EPHA6: variants seen among roughly 807,000 people sequenced by gnomAD.
The protein encoded by EPHA6 is ephrin type-A receptor 6.
Under a neutral mutation model 112.0 loss-of-function variants are expected in EPHA6, and 50 were observed. That is an observed-to-expected ratio of 0.45 (90% CI 0.36 to 0.56). The LOEUF is 0.56. Ranked by LOEUF, EPHA6 falls within the 20% of genes least tolerant of loss-of-function variation. EPHA6 has a pLI of 0.00. For synonymous variants in EPHA6, 529 were observed against 490.7 expected, an observed-to-expected ratio of 1.08 and a Z score of -1.03; for missense variants, 1,280 against 1,417.4, an observed-to-expected ratio of 0.90 and a Z score of 1.56.
intron 5 of EPHA6, among the ~76,000 whole-genome samples, chr3:97,333,810 C>T (rs762441001): frequency 2.0e-5 from 3 of 151,834 alleles, no homozygotes; most frequent in Non-Finnish European, 4.4e-5. Context: ...TTTTTTTGCT[C>T]ATTGCAGTGG....
intron 5 of EPHA6, among the ~76,000 whole-genome samples, chr3:97,325,287 T>C (rs527964945): frequency 3.9e-5 from 6 of 152,270 alleles, no homozygotes; most frequent in African/African-American, 1.4e-4. Flanking sequence ...AATTCCAAGA[T>C]AGAGGTGTGA....
At chr3:97,127,073 A>G (rs1413710284) in intron 3 of EPHA6, among the ~76,000 whole-genome samples, 3 of 152,282 alleles carry the variant, frequency 2.0e-5, no homozygotes, top group South Asian at 4.1e-4. Flanking sequence ...AGAGAAAAAC[A>G]TACAAATTCA....
intron 6 of EPHA6, among the ~76,000 whole-genome samples, chr3:97,440,102 G>A (rs1260999390): frequency 1.3e-5 from 2 of 151,936 alleles, no homozygotes; most frequent in South Asian, 2.1e-4. Context: ...GGATACATAC[G>A]GATGCACATT....
At chr3:97,362,503 G>A (rs942525070) in intron 5 of EPHA6, among the ~76,000 whole-genome samples, 4 of 151,634 alleles carry the variant, frequency 2.6e-5, no homozygotes, top group South Asian at 2.1e-4. Flanking sequence ...CTCTTTATAC[G>A]TTAGGACAAA....
intron 5 of EPHA6, among the ~76,000 whole-genome samples, chr3:97,396,254 G>A (rs2086686393): frequency 6.7e-6 from 1 of 149,546 alleles, no homozygotes; most frequent in Admixed American, 6.7e-5. Context: ...TCTCACATAT[G>A]CACGCATGCA....
At chr3:97,023,558 T>G (rs2856470) in intron 3 of EPHA6, among the ~76,000 whole-genome samples, 55,712 of 151,846 alleles carry the variant, frequency 0.37, 12,212 homozygotes, top group African/African-American at 0.62. Context: ...TTTACTTAGT[T>G]ATATGTTAGA....
At chr3:97,689,508 A>G (rs1429761045) in intron 14 of EPHA6, among the ~76,000 whole-genome samples, 1 of 152,206 alleles carries the variant, frequency 6.6e-6, no homozygotes, top group Non-Finnish European at 1.5e-5. Flanking sequence ...TGGCCCTGAA[A>G]GTGAAGCCTC....
chr3:97,276,460 G>A (rs1242909932), intron 5 of EPHA6, among the ~76,000 whole-genome samples: 1 of 152,138 alleles, frequency 6.6e-6, no homozygotes, highest in African/African-American at 2.4e-5. Context: ...TCCTGGGAGA[G>A]GAGGTTCTGG....
chr3:97,530,970 C>T (rs1358661282), intron 10 of EPHA6, among the ~76,000 whole-genome samples: 1 of 152,036 alleles, frequency 6.6e-6, no homozygotes, highest in Non-Finnish European at 1.5e-5. Flanking sequence ...ATTCGATATT[C>T]TATGCTTAAA....
intron 14 of EPHA6, among the ~76,000 whole-genome samples, chr3:97,670,964 C>T (rs930267872): frequency 2.6e-5 from 4 of 152,132 alleles, no homozygotes; most frequent in East Asian, 1.9e-4. Flanking sequence ...AGGACCTCCA[C>T]GAACAATCAT....
At chr3:97,030,788 A>G (rs962974187) in intron 3 of EPHA6, among the ~76,000 whole-genome samples, 2 of 152,090 alleles carry the variant, frequency 1.3e-5, no homozygotes, top group Non-Finnish European at 2.9e-5. Context: ...ATCTACTATG[A>G]ATATGATGTC....
chr3:97,582,494 T>C (rs2093447376), intron 11 of EPHA6, among the ~76,000 whole-genome samples: 1 of 152,170 alleles, frequency 6.6e-6, no homozygotes, highest in African/African-American at 2.4e-5. Flanking sequence ...AAATCCCATG[T>C]CTTACCTCAT....
intron 3 of EPHA6, among the ~76,000 whole-genome samples, chr3:97,006,821 A>G (rs2612271): frequency 0.33 from 49,494 of 151,858 alleles, 8,698 homozygotes; most frequent in African/African-American, 0.46. Context: ...GTTCTCATTG[A>G]TTTCAAAGAA....
At position 97,423,481 on chromosome 3, in the gene EPHA6, C is replaced by T. The variant is rs546959335; in HGVS notation, c.1731+18207C>T. Among the ~76,000 whole-genome samples the T allele has an allele frequency of 1.8e-4, 27 of 152,062 alleles. No homozygotes were observed. The South Asian group carries it at 3.1e-3, about 18-fold the overall frequency. On this transcript the variant is annotated intron_variant, in intron 6 of 17. Coordinates refer to ENST00000389672, the MANE Select transcript of EPHA6 (RefSeq NM_001080448.3). ...GATCTCTACAATGATAAATATAAAA[C>T]GCTGCTCAAAAAAATTACAGACAAC...
intron 1 of EPHA6, among the ~76,000 whole-genome samples, chr3:96,848,794 G>A (rs2035226674): frequency 6.6e-6 from 1 of 151,980 alleles, no homozygotes; most frequent in African/African-American, 2.4e-5. Context: ...CCAGACTAGA[G>A]TTTACTCATT....
chr3:97,289,769 A>C (rs759669490), intron 5 of EPHA6, among the ~76,000 whole-genome samples: 1 of 151,518 alleles, frequency 6.6e-6, no homozygotes, highest in African/African-American at 2.4e-5. Flanking sequence ...GCTTGTAGAG[A>C]TCTTTCACCT....
At chr3:97,631,999 A>G (rs990631884) in intron 13 of EPHA6, among the ~76,000 whole-genome samples, 22 of 151,990 alleles carry the variant, frequency 1.4e-4, no homozygotes, top group Middle Eastern at 3.2e-3. Context: ...TCTATATAAG[A>G]TATTTAGTTC....
intron 2 of EPHA6, among the ~76,000 whole-genome samples, chr3:96,893,473 A>G (rs1398725502): frequency 1.3e-5 from 2 of 152,222 alleles, no homozygotes; most frequent in Non-Finnish European, 2.9e-5. Context: ...GTAAGAGGCC[A>G]TGTGGAGTGA....
chr3:97,581,309 A>C (rs1038091460), intron 11 of EPHA6, among the ~76,000 whole-genome samples: 1 of 152,246 alleles, frequency 6.6e-6, no homozygotes, highest in Non-Finnish European at 1.5e-5. Flanking sequence ...TATTTTCACT[A>C]TCTTGCATGA....
Sources: allele counts gnomAD v4.1 joint callset (sites outside exome capture counted in the v4.1 genomes callset), GRCh38; gene constraint gnomAD v4.1.1; transcripts MANE v1.5; gene names NCBI Gene and HGNC (gene_info 2026-07-23, HGNC 2026-07-21).